The following FRMD4A variants were observed in gnomAD, a reference collection of about 807,000 sequenced individuals.
FRMD4A encodes FERM domain-containing protein 4A.
Under a neutral mutation model 129.1 loss-of-function variants are expected in FRMD4A, and 29 were observed. The observed-to-expected ratio is 0.22, with a 90% CI of 0.17 to 0.31. FRMD4A has a LOEUF of 0.31. Ranked by LOEUF, FRMD4A falls within the 10% of genes least tolerant of loss-of-function variation. The probability of loss-of-function intolerance (pLI) is 1.00; values close to 1 mark genes in which losing one functional copy is unlikely to be tolerated. For missense variants in FRMD4A, 1,272 were observed against 1,375.8 expected, an observed-to-expected ratio of 0.92 and a Z score of 1.19; for synonymous variants, 634 against 571.6, an observed-to-expected ratio of 1.11 and a Z score of -1.56.
chr10:13,997,452 T>A (rs2095626617), intron 2 of FRMD4A, among the ~76,000 whole-genome samples: 1 of 152,152 alleles, frequency 6.6e-6, no homozygotes, highest in African/African-American at 2.4e-5. Context: ...TTCTTTTCTC[T>A]ACCCCACTGT....
intron 2 of FRMD4A, among the ~76,000 whole-genome samples, chr10:13,951,929 T>TAATAAAAAA (rs1554984653): frequency 6.9e-6 from 1 of 145,966 alleles, no homozygotes; most frequent in African/African-American, 2.5e-5. Flanking sequence ...ATAATAATAA[T>TAATAAAAAA]AAACAATCTA....
rs186822616 is a variant in FRMD4A, at chr10:13,772,898, G to T, written c.384+10024C>A. On this transcript the variant is annotated intron_variant, in intron 6 of 24. Transcript: ENST00000357447. Reference sequence around the variant, plus strand: ...ACCTAGTATTTGATAGCACAACAGGGTAACTGTGGTCAATAATGATTGAAT... The same window carrying T: ...ACCTAGTATTTGATAGCACAACAGGTTAACTGTGGTCAATAATGATTGAAT... 4.6e-5 allele frequency among the ~76,000 whole-genome samples: 7 copies of T among 152,254 alleles called. No individual in the cohort carries two copies. The South Asian group carries it at 6.2e-4, about 14-fold the overall frequency.
intron 5 of FRMD4A, among the ~76,000 whole-genome samples, chr10:13,788,880 C>T (rs2092929693): frequency 6.6e-6 from 1 of 152,234 alleles, no homozygotes; most frequent in African/African-American, 2.4e-5. Context: ...TGAACACTGC[C>T]TAGTCAGATG....
intron 2 of FRMD4A, among the ~76,000 whole-genome samples, chr10:13,992,529 C>T (rs1005026031): frequency 1.3e-5 from 2 of 152,128 alleles, no homozygotes; most frequent in African/African-American, 4.8e-5. Flanking sequence ...GCTGCTCATT[C>T]AAAACAAAAT....
intron 2 of FRMD4A, among the ~76,000 whole-genome samples, chr10:14,317,756 G>GAA (rs66793271): frequency 0.6 from 73,500 of 122,972 alleles, 22,309 homozygotes; most frequent in Non-Finnish European, 0.62. Flanking sequence ...ACAAGAGACG[G>GAA]AAAAAAAAAA....
At position 13,785,969 on chromosome 10, in the gene FRMD4A, G is replaced by T. The variant is rs1042013680; in HGVS notation, c.300-2963C>A. On this transcript the variant is annotated intron_variant, in intron 5 of 24. Coordinates refer to ENST00000357447, the MANE Select transcript of FRMD4A (RefSeq NM_018027.5). ...CATGAACTCATCCTTTTTTGTGGCCGCATAGTATTCCATGGTGTATATGTG... is the reference window on the plus strand; with the variant it reads ...CATGAACTCATCCTTTTTTGTGGCCTCATAGTATTCCATGGTGTATATGTG... Among the ~76,000 whole-genome samples the T allele has an allele frequency of 2.0e-5, 3 of 152,252 alleles. No individual in the cohort carries two copies. The South Asian group carries it at 6.2e-4, about 32-fold the overall frequency.
At chr10:13,656,582 G>A in intron 22 of FRMD4A, 54 bp downstream of exon 22, 10 of 1,337,524 alleles carry the variant, frequency 7.5e-6, no homozygotes, top group Non-Finnish European at 9.6e-6. Context: ...CCTTGACACC[G>A]GCAAGCAGTT....
chr10:14,182,260 T>G lies in FRMD4A; in HGVS notation c.45+147798A>C, dbSNP rs1841937819. 2.0e-5 allele frequency among the ~76,000 whole-genome samples: 3 copies of G among 152,148 alleles called. No individual in the cohort carries two copies. The South Asian group carries it at 6.2e-4, about 32-fold the overall frequency. On this transcript the variant is annotated intron_variant, in intron 2 of 24. Coordinates refer to ENST00000357447, the MANE Select transcript of FRMD4A (RefSeq NM_018027.5). Reference sequence around the variant, plus strand: ...CTGTGTTTTTAAAAAGAGAGAGAGATAGGGTGCAGTAGCACATGCCTGGAA... The same window carrying G: ...CTGTGTTTTTAAAAAGAGAGAGAGAGAGGGTGCAGTAGCACATGCCTGGAA...
chr10:14,021,686 C>T (rs948069553), intron 2 of FRMD4A, among the ~76,000 whole-genome samples: 1 of 152,128 alleles, frequency 6.6e-6, no homozygotes, highest in Non-Finnish European at 1.5e-5. Context: ...AGTCCTCACT[C>T]ACAATATTTC....
chr10:14,061,712 TAA>T, intron 2 of FRMD4A, among the ~76,000 whole-genome samples: 1 of 152,042 alleles, frequency 6.6e-6, no homozygotes, highest in Non-Finnish European at 1.5e-5. Context: ...GTCCTTATGA[TAA>T]AAAGAGATGC....
chr10:14,138,352 T>C (rs573896422), intron 2 of FRMD4A, among the ~76,000 whole-genome samples: 7 of 152,304 alleles, frequency 4.6e-5, no homozygotes, highest in Middle Eastern at 6.8e-3. Context: ...TACAAAAAGA[T>C]AATGATCTAT....
intron 2 of FRMD4A, among the ~76,000 whole-genome samples, chr10:14,087,259 A>G (rs1836338960): frequency 6.8e-6 from 1 of 147,554 alleles, no homozygotes; most frequent in Admixed American, 6.8e-5. Flanking sequence ...TTATATTTAT[A>G]AAATTATAAA....
chr10:13,986,267 A>C, intron 2 of FRMD4A, among the ~76,000 whole-genome samples: 1 of 151,418 alleles, frequency 6.6e-6, no homozygotes, highest in Non-Finnish European at 1.5e-5. Context: ...ACAATGATAG[A>C]CTGGATTAAG....
chr10:13,973,441 C>G (rs780253486), intron 2 of FRMD4A, among the ~76,000 whole-genome samples: 23 of 152,158 alleles, frequency 1.5e-4, no homozygotes, highest in Non-Finnish European at 2.8e-4. Context: ...CTGCCTCAGC[C>G]TCCCAAAATG....
chr10:14,315,961 A>C (rs1846723676), intron 2 of FRMD4A, among the ~76,000 whole-genome samples: 1 of 152,204 alleles, frequency 6.6e-6, no homozygotes, highest in Non-Finnish European at 1.5e-5. Context: ...TAGTCCACAT[A>C]CTGATCTCCA....
chr10:13,758,679 C>CT (rs2091953439), intron 8 of FRMD4A, among the ~76,000 whole-genome samples: 1 of 152,084 alleles, frequency 6.6e-6, no homozygotes, highest in Non-Finnish European at 1.5e-5. Context: ...AGGACCCTCT[C>CT]TTTTTTTGCT....
At chr10:13,771,918 T>G (rs1439726573) in intron 6 of FRMD4A, among the ~76,000 whole-genome samples, 2 of 150,660 alleles carry the variant, frequency 1.3e-5, no homozygotes, top group African/African-American at 4.9e-5. Context: ...TGTTTCACTT[T>G]GAAACAAAAC....
rs541707119 is a variant in FRMD4A at position 13,898,417 on chromosome 10, G to A, written c.46-39505C>T. Among the ~76,000 whole-genome samples, 3 of 152,260 alleles carry A rather than the reference G, an allele frequency of 2.0e-5. No homozygotes were observed. In the South Asian group the frequency reaches 6.2e-4, roughly 32 times the overall value. On this transcript the variant is annotated intron_variant, in intron 2 of 24. Transcript: ENST00000357447. ...TAACGAGACCACTTCCCTGTTTAGA[G>A]GTCCAAGGTGGCCTGAGAGAGAGGG...
intron 2 of FRMD4A, among the ~76,000 whole-genome samples, chr10:14,154,381 G>C (rs1191955002): frequency 6.6e-6 from 1 of 152,042 alleles, no homozygotes; most frequent in African/African-American, 2.4e-5. Flanking sequence ...GCTCCAGCTG[G>C]GTCTCAGCTA....
Sources: gnomAD v4.1 joint callset for allele counts (sites outside exome capture counted in the v4.1 genomes callset) on GRCh38, gnomAD v4.1.1 for gene constraint, MANE v1.5 for transcripts, NCBI Gene and HGNC (gene_info 2026-07-23, HGNC 2026-07-21) for gene names.